The following PLCB4 variants were observed in gnomAD, a reference collection of about 807,000 sequenced individuals.
PLCB4 encodes 1-phosphatidylinositol 4,5-bisphosphate phosphodiesterase beta-4.
Under a neutral mutation model 178.8 loss-of-function variants are expected in PLCB4, and 77 were observed. That is an observed-to-expected ratio of 0.43 (90% CI 0.36 to 0.52). The LOEUF (loss-of-function observed/expected upper bound fraction) is 0.52. Among genes scored for constraint, PLCB4 ranks in the 20% least tolerant of loss-of-function variants. The pLI is 0.00. For missense variants in PLCB4, 1,024 were observed against 1,453.4 expected, an observed-to-expected ratio of 0.70 and a Z score of 4.80; for synonymous variants, 496 against 490.8, an observed-to-expected ratio of 1.01 and a Z score of -0.14.
chr20:9,103,753 A>G (rs1044902370), intron 2 of PLCB4, among the ~76,000 whole-genome samples: 3 of 152,136 alleles, frequency 2.0e-5, no homozygotes, highest in African/African-American at 7.2e-5. Flanking sequence ...TCCCTTTCCC[A>G]TCCAAAATAT....
intron 14 of PLCB4, among the ~76,000 whole-genome samples, chr20:9,385,886 C>T (rs6056589): frequency 0.88 from 134,000 of 152,198 alleles, 59,309 homozygotes; most frequent in East Asian, 1. Context: ...CTTAGCACTT[C>T]GGGAGGCCAA....
chr20:9,476,629 C>T (rs2044564633), intron 38 of PLCB4, 88 bp from the exon 39 acceptor site: 1 of 932,426 alleles, frequency 1.1e-6, no homozygotes, highest in East Asian at 2.5e-5. Flanking sequence ...GTTTTGCATT[C>T]ATTTTTCAAA....
intron 2 of PLCB4, among the ~76,000 whole-genome samples, chr20:9,158,786 G>A (rs562905048): frequency 1.3e-5 from 2 of 152,274 alleles, no homozygotes; most frequent in Admixed American, 1.3e-4. Flanking sequence ...TTGAGACAGA[G>A]AGATTTTAAA....
intron 3 of PLCB4, chr20:9,280,310 T>G (rs1475854939): frequency 4.3e-6 from 1 of 232,898 alleles, no homozygotes; most frequent in African/African-American, 2.3e-5. Context: ...TCCCATTTCC[T>G]GCGGAATTTT....
intron 2 of PLCB4, among the ~76,000 whole-genome samples, chr20:9,132,978 C>T (rs1033006815): frequency 6.6e-6 from 1 of 152,062 alleles, no homozygotes; most frequent in African/African-American, 2.4e-5. Flanking sequence ...CCAGGACCAC[C>T]CCCCGACAAC....
chr20:9,305,432 C>T (rs979966033), intron 3 of PLCB4, among the ~76,000 whole-genome samples: 3 of 152,116 alleles, frequency 2.0e-5, no homozygotes, highest in African/African-American at 7.2e-5. Flanking sequence ...GGTTTTACTT[C>T]CCTTTGTCTC....
At chr20:9,136,136 A>C (rs945940082) in intron 2 of PLCB4, among the ~76,000 whole-genome samples, 5 of 151,936 alleles carry the variant, frequency 3.3e-5, no homozygotes, top group Admixed American at 6.6e-5. Context: ...ACACACACAC[A>C]CCCCACACAC....
At chr20:9,111,181 C>G (rs966639563) in intron 2 of PLCB4, among the ~76,000 whole-genome samples, 2 of 152,154 alleles carry the variant, frequency 1.3e-5, no homozygotes, top group Admixed American at 1.3e-4. Context: ...TGACTCTTCT[C>G]TACTTGGGAA....
intron 14 of PLCB4, among the ~76,000 whole-genome samples, chr20:9,386,032 C>T (rs2037616319): frequency 2.0e-5 from 3 of 152,210 alleles, no homozygotes; most frequent in Non-Finnish European, 4.4e-5. Context: ...GCTGGCAGAC[C>T]ACTCGAGGTC....
At chr20:9,203,056 A>AAAATATAT (rs769628056) in intron 2 of PLCB4, among the ~76,000 whole-genome samples, 26 of 126,140 alleles carry the variant, frequency 2.1e-4, no homozygotes, top group African/African-American at 7.9e-4. Flanking sequence ...AAAAAAAAAA[A>AAAATATAT]ATATATATAT....
intron 2 of PLCB4, among the ~76,000 whole-genome samples, chr20:9,152,409 G>T (rs898342150): frequency 6.6e-6 from 1 of 152,152 alleles, no homozygotes; most frequent in Non-Finnish European, 1.5e-5. Flanking sequence ...GTACAGCCTA[G>T]GGACATAGTG....
At chr20:9,211,822 A>G (rs1245512883) in intron 2 of PLCB4, among the ~76,000 whole-genome samples, 1 of 152,262 alleles carries the variant, frequency 6.6e-6, no homozygotes, top group Non-Finnish European at 1.5e-5. Context: ...TTACCTCTCC[A>G]TGTACCATTG....
chr20:9,424,432 G>A (rs1381815363), intron 28 of PLCB4, among the ~76,000 whole-genome samples: 1 of 152,146 alleles, frequency 6.6e-6, no homozygotes, highest in Non-Finnish European at 1.5e-5. Context: ...GGTAATCAAT[G>A]GGAGGAATCC....
chr20:9,262,722 G>A (rs2147558669), intron 3 of PLCB4, among the ~76,000 whole-genome samples: 1 of 152,276 alleles, frequency 6.6e-6, no homozygotes, highest in Admixed American at 6.5e-5. Context: ...CTAAGATCCT[G>A]ACATCTGAGA....
intron 2 of PLCB4, among the ~76,000 whole-genome samples, chr20:9,165,604 A>C (rs140751744): frequency 0.03 from 4,523 of 152,316 alleles, 79 homozygotes; most frequent in Non-Finnish European, 0.042. Context: ...TTTATAATGA[A>C]AATAAGCATA....
chr20:9,359,543 C>T (rs920899169), intron 7 of PLCB4, among the ~76,000 whole-genome samples: 3 of 152,120 alleles, frequency 2.0e-5, no homozygotes, highest in Admixed American at 2.0e-4. Context: ...ACAGGGAAAC[C>T]GTGCTGATCC....
chr20:9,240,184 G>T (rs1173093822), intron 3 of PLCB4, among the ~76,000 whole-genome samples: 1 of 152,120 alleles, frequency 6.6e-6, no homozygotes, highest in East Asian at 1.9e-4. Context: ...ACTCAGCAAG[G>T]CCTATTTGTT....
At chr20:9,219,512 C>T (rs549047313) in intron 3 of PLCB4, among the ~76,000 whole-genome samples, 1 of 152,078 alleles carries the variant, frequency 6.6e-6, no homozygotes, top group South Asian at 2.1e-4. Flanking sequence ...GATCCTGGGG[C>T]TGAAACAGTA....
At chr20:9,197,265 G>A (rs2093483513) in intron 2 of PLCB4, among the ~76,000 whole-genome samples, 1 of 152,146 alleles carries the variant, frequency 6.6e-6, no homozygotes, top group Admixed American at 6.6e-5. Flanking sequence ...TACCCATTAA[G>A]CAATTCCACA....
Sources: allele counts gnomAD v4.1 joint callset (sites outside exome capture counted in the v4.1 genomes callset), GRCh38; gene constraint gnomAD v4.1.1; transcripts MANE v1.5; gene names NCBI Gene and HGNC (gene_info 2026-07-23, HGNC 2026-07-21).